BABAM2: variants seen among roughly 807,000 people sequenced by gnomAD.
BABAM2 encodes the protein BRISC and BRCA1-A complex member 2.
BABAM2 carries 31 observed loss-of-function variants against 54.7 expected under a neutral mutation model. The ratio of observed to expected loss-of-function variants is 0.57; its 90% confidence interval spans 0.43 to 0.77. BABAM2 has a LOEUF of 0.77. BABAM2 is among the 30% of genes least tolerant of loss of function. The probability of loss-of-function intolerance (pLI) is 0.00; values close to 1 mark genes in which losing one functional copy is unlikely to be tolerated. For synonymous variants in BABAM2, 167 were observed against 162.9 expected (o/e 1.03, Z -0.19); for missense variants, 364 against 455.8 (o/e 0.80, Z 1.83).
At chr2:27,979,757 A>T (rs1357487029) in intron 3 of BABAM2, among the ~76,000 whole-genome samples, 2 of 152,170 alleles carry the variant, frequency 1.3e-5, no homozygotes, top group Non-Finnish European at 2.9e-5. Flanking sequence ...CTTAGAAACT[A>T]TGTTTTCCTG....
chr2:28,074,153 G>A (rs912536547), intron 6 of BABAM2, among the ~76,000 whole-genome samples: 2 of 152,082 alleles, frequency 1.3e-5, no homozygotes, highest in Non-Finnish European at 2.9e-5. Flanking sequence ...AATTGCTGGG[G>A]CCATTAGGAA....
intron 6 of BABAM2, among the ~76,000 whole-genome samples, chr2:28,074,044 C>CAT (rs1008987635): frequency 3.5e-4 from 53 of 152,074 alleles, no homozygotes; most frequent in Admixed American, 9.8e-4. Flanking sequence ...TATACACACA[C>CAT]ATATATATAC....
rs187810829 is a variant in BABAM2, at chr2:28,325,715, C to A, written c.1089-12735C>A. On this transcript the variant is annotated intron_variant, in intron 11 of 11. Transcript: ENST00000379624. The surrounding 1 kb of genome is among the most constrained non-coding windows in gnomAD (Gnocchi z 4.3). ...CATGGCCATCTTGCTGCCCCTCCCC[C>A]ACATCCTCAAACACCCAGCCAGGGG... Among the ~76,000 whole-genome samples the A allele has an allele frequency of 3.2e-4, 49 of 152,298 alleles. No individual in the cohort carries two copies. The highest frequency in any genetic ancestry group is 7.2e-4 in the Admixed American group (11 of 15,302).
intron 2 of BABAM2, among the ~76,000 whole-genome samples, chr2:27,917,472 G>GT (rs1667066004): frequency 6.6e-6 from 1 of 152,150 alleles, no homozygotes; most frequent in South Asian, 2.1e-4. Context: ...ATTGTGTCTG[G>GT]TGAGGGCCCG....
chr2:27,986,168 A>C (rs956461183), intron 3 of BABAM2, among the ~76,000 whole-genome samples: 3 of 152,176 alleles, frequency 2.0e-5, no homozygotes, highest in African/African-American at 4.8e-5. Context: ...CTTTTACTCC[A>C]TTTGATATTA....
intron 4 of BABAM2, among the ~76,000 whole-genome samples, chr2:27,988,925 A>G (rs1158838067): frequency 6.6e-6 from 1 of 152,146 alleles, no homozygotes; most frequent in Non-Finnish European, 1.5e-5. Flanking sequence ...TTTTATTGTT[A>G]AAAGTTTTGA....
At chr2:28,309,842 G>T in intron 11 of BABAM2, 1 of 486,910 alleles carries the variant, frequency 2.1e-6, no homozygotes, top group South Asian at 2.8e-5. Flanking sequence ...GGTGATCAGA[G>T]CCCCCGAGAA....
intron 7 of BABAM2, among the ~76,000 whole-genome samples, chr2:28,234,308 A>AC (rs1681702785): frequency 6.6e-6 from 1 of 152,112 alleles, no homozygotes; most frequent in African/African-American, 2.4e-5. Flanking sequence ...CTTGGTAGTG[A>AC]CCGAAGCAGG....
At chr2:28,011,005 A>G (rs1674348630) in intron 4 of BABAM2, among the ~76,000 whole-genome samples, 1 of 152,180 alleles carries the variant, frequency 6.6e-6, no homozygotes, top group African/African-American at 2.4e-5. Flanking sequence ...TGAATCAAAC[A>G]TTGAGCTAAG....
At chr2:28,106,049 A>T (rs1035675701) in intron 6 of BABAM2, among the ~76,000 whole-genome samples, 1 of 152,028 alleles carries the variant, frequency 6.6e-6, no homozygotes, top group Non-Finnish European at 1.5e-5. Context: ...TTAAAAAACC[A>T]TTTGAGACTA....
Position 28,192,395 on chromosome 2 carries a change from CG to C in BABAM2, c.681-44806del, listed in dbSNP as rs560304995. On this transcript the variant is annotated intron_variant, in intron 7 of 11. Transcript: ENST00000379624. ...CACCAACATGGCACATTTATACATACGTAAAAAACCTGCACGTTGTGCACAT... is the reference window on the plus strand; with the variant it reads ...CACCAACATGGCACATTTATACATACTAAAAAACCTGCACGTTGTGCACAT... Among the ~76,000 whole-genome samples the C allele has an allele frequency of 6.5e-3, 985 of 150,952 alleles. 5 individuals carry two copies. Among genetic ancestry groups the C allele is most frequent in the Non-Finnish European group, 0.01 (684 of 67,914 alleles).
At chr2:28,094,377 T>C (rs1240901489) in intron 6 of BABAM2, among the ~76,000 whole-genome samples, 1 of 152,164 alleles carries the variant, frequency 6.6e-6, no homozygotes, top group Non-Finnish European at 1.5e-5. Context: ...TAAATATAGA[T>C]AGATGGCAAT....
intron 2 of BABAM2, chr2:27,896,828 C>T (rs555057251): frequency 1.4e-5 from 3 of 217,932 alleles, no homozygotes; most frequent in East Asian, 1.5e-4. Flanking sequence ...CCACATTGCT[C>T]AGCTGGGTCC....
At chr2:28,249,190 G>A (rs972433123) in intron 10 of BABAM2, among the ~76,000 whole-genome samples, 5 of 151,020 alleles carry the variant, frequency 3.3e-5, no homozygotes, top group Admixed American at 2.0e-4. Context: ...TTGAGTTCAA[G>A]CGTTTCTTCT....
In BABAM2 at chr2:28,005,619, A is replaced by G. The variant is rs543615299; in HGVS notation, c.300+17532A>G. ...CATACCTTCTTTAACTTTTAGCTTC[A>G]TGTCATGGCTATAAATTTGTAAGTA... On this transcript the variant is annotated intron_variant, in intron 4 of 11. Transcript: ENST00000379624. 3.3e-5 allele frequency among the ~76,000 whole-genome samples: 5 copies of G among 152,284 alleles called. No individual in the cohort carries two copies. The East Asian group carries it at 9.6e-4, about 29-fold the overall frequency.
chr2:28,075,354 A>G (rs1664556744), intron 6 of BABAM2, among the ~76,000 whole-genome samples: 1 of 152,168 alleles, frequency 6.6e-6, no homozygotes, highest in Non-Finnish European at 1.5e-5. Flanking sequence ...GGCTCCTAAC[A>G]AATTAGTAAT....
intron 10 of BABAM2, among the ~76,000 whole-genome samples, chr2:28,272,183 T>C (rs900802202): frequency 6.6e-6 from 1 of 152,226 alleles, no homozygotes; most frequent in Non-Finnish European, 1.5e-5. Context: ...AAAGCAACAA[T>C]GAAGGTCTGT....
At chr2:27,990,519 C>G (rs1197460208) in intron 4 of BABAM2, among the ~76,000 whole-genome samples, 1 of 152,042 alleles carries the variant, frequency 6.6e-6, no homozygotes, top group Non-Finnish European at 1.5e-5. Context: ...GAGTGGAAAA[C>G]AGAATGCCTA....
chr2:28,033,133 T>C (rs1676419154), intron 5 of BABAM2, among the ~76,000 whole-genome samples: 1 of 152,218 alleles, frequency 6.6e-6, no homozygotes, highest in Non-Finnish European at 1.5e-5. Context: ...AGAACTGCTA[T>C]TGAAAGTATA....
Sources: gnomAD v4.1 joint callset for allele counts (sites outside exome capture counted in the v4.1 genomes callset) on GRCh38, gnomAD v4.1.1 for gene constraint, Gnocchi (gnomAD v3.1) non-coding constraint, MANE v1.5 for transcripts, NCBI Gene and HGNC (gene_info 2026-07-23, HGNC 2026-07-21) for gene names.